Variants in GAREM1 observed in about 807,000 individuals in gnomAD.
The protein encoded by GAREM1 is GRB2 associated regulator of MAPK1 subtype 1, also known as GRB2-associated and regulator of MAPK protein 1.
A neutral mutation model predicts 71.3 loss-of-function variants in GAREM1; 26 were observed. That is an observed-to-expected ratio of 0.36 (90% CI 0.27 to 0.51). The LOEUF (loss-of-function observed/expected upper bound fraction) is 0.51, where lower values mean the gene tolerates loss of function less well. Ranked by LOEUF, GAREM1 falls within the 20% of genes least tolerant of loss-of-function variation. The pLI, the probability that GAREM1 is intolerant of heterozygous loss-of-function variation, is 0.95. For synonymous variants in GAREM1, 440 were observed against 433.2 expected (o/e 1.02, Z -0.20); for missense variants, 1,026 against 1,103.1 (o/e 0.93, Z 0.99).
intron 2 of GAREM1, among the ~76,000 whole-genome samples, chr18:32,368,592 AG>A (rs1458896366): frequency 1.3e-5 from 2 of 152,192 alleles, no homozygotes; most frequent in Non-Finnish European, 2.9e-5. Context: ...TCTAGATGGC[AG>A]GAAGTCTATC....
intron 3 of GAREM1, among the ~76,000 whole-genome samples, chr18:32,302,003 A>G (rs2047206469): frequency 6.6e-6 from 1 of 152,234 alleles, no homozygotes. Flanking sequence ...ATATTGTACC[A>G]TATGCCATAA....
intron 1 of GAREM1, among the ~76,000 whole-genome samples, chr18:32,468,960 T>TTCCCCCCC (rs2049023776): frequency 1.2e-5 from 1 of 82,164 alleles, no homozygotes; most frequent in Non-Finnish European, 2.4e-5. Context: ...CACCTGTGCG[T>TTCCCCCCC]CCCCCCCCCC....
At chr18:32,390,233 A>T (rs559221470) in intron 2 of GAREM1, among the ~76,000 whole-genome samples, 13 of 152,092 alleles carry the variant, frequency 8.5e-5, no homozygotes, top group Middle Eastern at 3.4e-3. Context: ...TGTTTATAAA[A>T]TTTTTTTTAA....
chr18:32,290,929 T>C (rs571261714), intron 3 of GAREM1, among the ~76,000 whole-genome samples: 4 of 152,248 alleles, frequency 2.6e-5, no homozygotes, highest in African/African-American at 9.6e-5. Flanking sequence ...AATTTGGCAA[T>C]ATCAAGTCAA....
intron 1 of GAREM1, among the ~76,000 whole-genome samples, chr18:32,461,331 C>G (rs1270773815): frequency 6.6e-6 from 1 of 152,048 alleles, no homozygotes. Context: ...TTCAAGTAAG[C>G]AATTCTTATG....
chr18:32,424,878 C>T (rs1568006420), intron 1 of GAREM1, among the ~76,000 whole-genome samples: 1 of 152,130 alleles, frequency 6.6e-6, no homozygotes, highest in South Asian at 2.1e-4. Flanking sequence ...TGAAACAGAA[C>T]AGTCCCTTGT....
chr18:32,288,467 G>A (rs2047049399), intron 3 of GAREM1, among the ~76,000 whole-genome samples: 1 of 151,768 alleles, frequency 6.6e-6, no homozygotes, highest in Admixed American at 6.6e-5. Context: ...ATACTAACAG[G>A]GATATTGTCA....
intron 1 of GAREM1, among the ~76,000 whole-genome samples, chr18:32,404,543 G>A (rs2048348011): frequency 6.6e-6 from 1 of 151,862 alleles, no homozygotes; most frequent in African/African-American, 2.4e-5. Context: ...AGTATATTAA[G>A]GTGTTTTCTT....
intron 1 of GAREM1, among the ~76,000 whole-genome samples, chr18:32,436,560 T>C (rs1478845575): frequency 2.0e-5 from 3 of 152,222 alleles, no homozygotes; most frequent in Non-Finnish European, 4.4e-5. Flanking sequence ...CTTTCTTACA[T>C]AGTTAACCTG....
intron 3 of GAREM1, among the ~76,000 whole-genome samples, chr18:32,299,513 C>CAAAAA (rs57549959): frequency 4.6e-4 from 32 of 69,300 alleles, no homozygotes; most frequent in African/African-American, 1.2e-3. Context: ...GACCCCATCT[C>CAAAAA]AAAAAAAAAA....
At chr18:32,368,585 A>G (rs538956369) in intron 2 of GAREM1, among the ~76,000 whole-genome samples, 1 of 152,318 alleles carries the variant, frequency 6.6e-6, no homozygotes, top group East Asian at 1.9e-4. Flanking sequence ...TATAACCTCT[A>G]GATGGCAGGA....
At chr18:32,432,449 C>T (rs1395321156) in intron 1 of GAREM1, among the ~76,000 whole-genome samples, 1 of 151,826 alleles carries the variant, frequency 6.6e-6, no homozygotes, top group East Asian at 1.9e-4. Flanking sequence ...GAAATGAGAA[C>T]AGATATCAAT....
At chr18:32,303,317 T>C (rs569723197) in intron 3 of GAREM1, among the ~76,000 whole-genome samples, 2 of 152,284 alleles carry the variant, frequency 1.3e-5, no homozygotes, top group Non-Finnish European at 2.9e-5. Context: ...TCAGACCCAA[T>C]GCCAAATCGA....
chr18:32,332,220 C>T (rs1410906151), intron 2 of GAREM1, among the ~76,000 whole-genome samples: 1 of 151,742 alleles, frequency 6.6e-6, no homozygotes, highest in African/African-American at 2.4e-5. Context: ...TCTTTGCCTA[C>T]CAGGTTTTAA....
intron 1 of GAREM1, among the ~76,000 whole-genome samples, chr18:32,459,810 C>T (rs2048935144): frequency 6.6e-6 from 1 of 152,068 alleles, no homozygotes; most frequent in Non-Finnish European, 1.5e-5. Flanking sequence ...TAAAAGAAGA[C>T]AGCAGCAATC....
intron 2 of GAREM1, among the ~76,000 whole-genome samples, chr18:32,341,248 G>A (rs536980933): frequency 2.5e-4 from 38 of 152,086 alleles, no homozygotes; most frequent in South Asian, 4.1e-4. Flanking sequence ...CCATCCTTGC[G>A]ATAGTTTGCT....
intron 3 of GAREM1, among the ~76,000 whole-genome samples, chr18:32,306,721 G>A (rs2047259334): frequency 6.6e-6 from 1 of 151,862 alleles, no homozygotes. Flanking sequence ...ATCTCTACTT[G>A]GAGGTAGTAC....
chr18:32,468,242 T>A (rs898190435), intron 1 of GAREM1, among the ~76,000 whole-genome samples: 10 of 152,214 alleles, frequency 6.6e-5, no homozygotes, highest in African/African-American at 2.4e-4. Flanking sequence ...CAATTTTTAA[T>A]AGCACAAAAT....
chr18:32,355,642 T>C (rs2047797310), intron 2 of GAREM1, among the ~76,000 whole-genome samples: 2 of 152,354 alleles, frequency 1.3e-5, no homozygotes, highest in Non-Finnish European at 1.5e-5. Flanking sequence ...CTGCTGTTTA[T>C]AAATACGGGG....
Sources: gnomAD v4.1 joint callset for allele counts (sites outside exome capture counted in the v4.1 genomes callset) on GRCh38, gnomAD v4.1.1 for gene constraint, MANE v1.5 for transcripts, NCBI Gene and HGNC (gene_info 2026-07-23, HGNC 2026-07-21) for gene names.